Variants in ROBO2 observed in about 807,000 individuals in gnomAD.
ROBO2 encodes the protein roundabout homolog 2.
Under a neutral mutation model 160.8 loss-of-function variants are expected in ROBO2, and 53 were observed. The observed-to-expected ratio is 0.33, with a 90% CI of 0.26 to 0.41. ROBO2 has a LOEUF of 0.41. Among genes scored for constraint, ROBO2 ranks in the 10% least tolerant of loss-of-function variants. The pLI is 1.00. For synonymous variants in ROBO2, 664 were observed against 611.7 expected, an observed-to-expected ratio of 1.09 and a Z score of -1.26; for missense variants, 1,577 against 1,722.4, an observed-to-expected ratio of 0.92 and a Z score of 1.49.
intron 2 of ROBO2, among the ~76,000 whole-genome samples, chr3:77,427,588 T>C (rs62249805): frequency 0.079 from 11,986 of 152,256 alleles, 555 homozygotes; most frequent in African/African-American, 0.11. Context: ...CTGTCTTTCC[T>C]GGATGTTAGT....
intron 2 of ROBO2, among the ~76,000 whole-genome samples, chr3:76,123,965 A>G (rs1294167526): frequency 6.6e-6 from 1 of 152,080 alleles, no homozygotes; most frequent in Non-Finnish European, 1.5e-5. Flanking sequence ...GTTTAAGCTT[A>G]TATATTCACT....
chr3:77,272,389 A>G (rs756169939), intron 2 of ROBO2, among the ~76,000 whole-genome samples: 11 of 151,982 alleles, frequency 7.2e-5, no homozygotes, highest in Non-Finnish European at 1.5e-4. Flanking sequence ...CATGTCTTAC[A>G]TGGCAGGAGC....
chr3:76,088,351 A>T (rs2069099794), intron 2 of ROBO2, among the ~76,000 whole-genome samples: 2 of 152,100 alleles, frequency 1.3e-5, no homozygotes, highest in Admixed American at 6.6e-5. Flanking sequence ...ATAGATGTAC[A>T]GCATTAACAA....
At chr3:76,574,007 G>A (rs2085126027) in intron 2 of ROBO2, among the ~76,000 whole-genome samples, 1 of 152,006 alleles carries the variant, frequency 6.6e-6, no homozygotes, top group Non-Finnish European at 1.5e-5. Context: ...ATTAATCATG[G>A]TTATTTGTGT....
At chr3:77,525,481 G>A (rs2091050872) in intron 6 of ROBO2, among the ~76,000 whole-genome samples, 1 of 149,588 alleles carries the variant, frequency 6.7e-6, no homozygotes, top group Non-Finnish European at 1.5e-5. Flanking sequence ...TGCTGACTTG[G>A]CAAATGTAAA....
At chr3:77,214,234 A>G (rs2084598967) in intron 2 of ROBO2, among the ~76,000 whole-genome samples, 1 of 152,092 alleles carries the variant, frequency 6.6e-6, no homozygotes, top group African/African-American at 2.4e-5. Flanking sequence ...GTAGGTCTCT[A>G]AGGACTTCCT....
At chr3:77,589,775 T>G (rs774704425) in intron 17 of ROBO2, among the ~76,000 whole-genome samples, 1 of 152,134 alleles carries the variant, frequency 6.6e-6, no homozygotes, top group Non-Finnish European at 1.5e-5. Flanking sequence ...GTGCACTTTA[T>G]TTTAAATATT....
intron 2 of ROBO2, among the ~76,000 whole-genome samples, chr3:77,357,380 C>T (rs12386392): frequency 0.31 from 47,667 of 151,962 alleles, 7,956 homozygotes; most frequent in Non-Finnish European, 0.38. Context: ...TCCCTCTCTC[C>T]CTCTGTCCTG....
At chr3:75,980,808 C>G (rs1466958196) in intron 2 of ROBO2, among the ~76,000 whole-genome samples, 1 of 151,496 alleles carries the variant, frequency 6.6e-6, no homozygotes, top group Non-Finnish European at 1.5e-5. Flanking sequence ...CCCACCACTT[C>G]TCTCACTATT....
intron 2 of ROBO2, among the ~76,000 whole-genome samples, chr3:77,119,531 T>C (rs1188141145): frequency 6.6e-6 from 1 of 152,180 alleles, no homozygotes; most frequent in Non-Finnish European, 1.5e-5. Context: ...AGAAAATATT[T>C]ATGAATGTAA....
intron 2 of ROBO2, among the ~76,000 whole-genome samples, chr3:76,401,828 C>G (rs73840951): frequency 6.6e-6 from 1 of 151,218 alleles, no homozygotes; most frequent in Non-Finnish European, 1.5e-5. Context: ...GGTATCAGAA[C>G]AAGCTGATGA....
intron 2 of ROBO2, among the ~76,000 whole-genome samples, chr3:76,140,239 T>C (rs555875664): frequency 1.3e-5 from 2 of 152,004 alleles, no homozygotes; most frequent in Non-Finnish European, 2.9e-5. Flanking sequence ...ATATAAAATA[T>C]TTGGAGTAAC....
chr3:77,339,606 T>A (rs1269981067), intron 2 of ROBO2, among the ~76,000 whole-genome samples: 1 of 152,040 alleles, frequency 6.6e-6, no homozygotes, highest in African/African-American at 2.4e-5. Context: ...TTTTGTTTGG[T>A]TTTCTCAATC....
intron 2 of ROBO2, among the ~76,000 whole-genome samples, chr3:76,714,819 A>G (rs1444547387): frequency 6.6e-6 from 1 of 152,178 alleles, no homozygotes; most frequent in Non-Finnish European, 1.5e-5. Context: ...CCGATGTGAA[A>G]TATAGAGACT....
At chr3:76,825,260 C>A (rs1343259737) in intron 2 of ROBO2, among the ~76,000 whole-genome samples, 3 of 152,078 alleles carry the variant, frequency 2.0e-5, no homozygotes, top group Non-Finnish European at 4.4e-5. Context: ...TGGATTTGAG[C>A]CTGAAAGGCA....
intron 2 of ROBO2, among the ~76,000 whole-genome samples, chr3:77,192,733 C>T (rs1315542954): frequency 1.4e-5 from 2 of 142,980 alleles, no homozygotes; most frequent in Non-Finnish European, 3.0e-5. Flanking sequence ...GCAACCTCTG[C>T]CTCCTGGGTT....
At chr3:76,157,416 A>T (rs1367617388) in intron 2 of ROBO2, among the ~76,000 whole-genome samples, 1 of 152,172 alleles carries the variant, frequency 6.6e-6, no homozygotes, top group East Asian at 1.9e-4. Flanking sequence ...TAAAAAAATG[A>T]AAGTATTTAT....
chr3:76,269,246 T>A (rs1342690016), intron 2 of ROBO2, among the ~76,000 whole-genome samples: 1 of 152,110 alleles, frequency 6.6e-6, no homozygotes, highest in Non-Finnish European at 1.5e-5. Flanking sequence ...TTATTACACA[T>A]TGTATGCCTG....
At chr3:77,491,962 T>G (rs1373138316) in intron 4 of ROBO2, among the ~76,000 whole-genome samples, 1 of 152,184 alleles carries the variant, frequency 6.6e-6, no homozygotes, top group African/African-American at 2.4e-5. Flanking sequence ...GGATCTTGAT[T>G]TAGTCAATAA....
Sources: allele counts gnomAD v4.1 joint callset (sites outside exome capture counted in the v4.1 genomes callset), GRCh38; gene constraint gnomAD v4.1.1; transcripts MANE v1.5; gene names NCBI Gene and HGNC (gene_info 2026-07-23, HGNC 2026-07-21).